FGF2: variants seen among roughly 807,000 people sequenced by gnomAD.
FGF2 encodes the protein fibroblast growth factor 2, also known as basic fibroblast growth factor bFGF.
FGF2 carries 13 observed loss-of-function variants against 15.9 expected under a neutral mutation model. That is an observed-to-expected ratio of 0.82 (90% CI 0.53 to 1.30). The LOEUF (loss-of-function observed/expected upper bound fraction) is 1.30, where lower values mean the gene tolerates loss of function less well. Among genes scored for constraint, FGF2 ranks in the 50% most tolerant of loss-of-function variants. The probability of loss-of-function intolerance (pLI) is 0.00; values close to 1 mark genes in which losing one functional copy is unlikely to be tolerated. For missense variants in FGF2, 163 were observed against 196.9 expected (o/e 0.83, Z 1.03); for synonymous variants, 90 against 78.4 (o/e 1.15, Z -0.78).
intron 1 of FGF2, among the ~76,000 whole-genome samples, chr4:122,866,825 C>T (rs1290264683): frequency 1.3e-5 from 2 of 152,190 alleles, no homozygotes; most frequent in Non-Finnish European, 2.9e-5. Flanking sequence ...TAATTTGACT[C>T]CTAGGTATAT....
Position 122,826,846 on chromosome 4 carries a change from G to T in FGF2, c.-329G>T. The T allele has an allele frequency of 6.7e-7, 1 of 1,493,958 alleles. No individual in the cohort carries two copies. Among genetic ancestry groups the T allele is most frequent in the Non-Finnish European group, 8.9e-7 (1 of 1,118,502 alleles). The allele number at this position is 1,493,958 out of a possible 1,614,324, so 92.5% of individuals were successfully genotyped here. A position where few individuals can be genotyped will look rare whatever the true frequency, so the allele number is the denominator to read the frequency against. ...CCCGGCGGGTGCCAGATTAGCGGAC[G>T]CGGTGCCCGCGGTTGCAACGGGATC... is the stretch of plus-strand genomic sequence containing the variant. On this transcript the variant is annotated 5_prime_UTR_variant, in exon 1 of 3. Coordinates refer to ENST00000644866, the MANE Select transcript of FGF2 (RefSeq NM_001361665.2).
At chr4:122,851,785 C>T (rs1442403292) in intron 1 of FGF2, among the ~76,000 whole-genome samples, 3 of 152,192 alleles carry the variant, frequency 2.0e-5, no homozygotes, top group Admixed American at 6.5e-5. Context: ...CTGGTGAGCT[C>T]ATTCTCACAG....
intron 2 of FGF2, among the ~76,000 whole-genome samples, chr4:122,879,230 C>A (rs907991510): frequency 9.9e-5 from 15 of 152,194 alleles, no homozygotes; most frequent in African/African-American, 3.6e-4. Flanking sequence ...ACCAAAGTAG[C>A]ATTTTAAATA....
chr4:122,842,053 G>A (rs1394974908), intron 1 of FGF2, among the ~76,000 whole-genome samples: 1 of 152,198 alleles, frequency 6.6e-6, no homozygotes, highest in East Asian at 1.9e-4. Flanking sequence ...CTCCAGAAGT[G>A]GATGAATGTT....
intron 1 of FGF2, among the ~76,000 whole-genome samples, chr4:122,856,672 G>A (rs766196968): frequency 7.9e-5 from 12 of 152,146 alleles, no homozygotes; most frequent in Non-Finnish European, 1.5e-4. Context: ...ACATGCAGTT[G>A]TAAAAAGATA....
At chr4:122,886,990 A>G (rs1282339650) in intron 2 of FGF2, among the ~76,000 whole-genome samples, 1 of 152,178 alleles carries the variant, frequency 6.6e-6, no homozygotes, top group African/African-American at 2.4e-5. Flanking sequence ...ACATGTATTT[A>G]TAAATATTTC....
intron 1 of FGF2, among the ~76,000 whole-genome samples, chr4:122,873,625 A>T (rs1439482351): frequency 6.6e-6 from 1 of 152,154 alleles, no homozygotes; most frequent in African/African-American, 2.4e-5. Context: ...GGTCATCTGT[A>T]TATCGAATTT....
At chr4:122,886,476 G>A (rs1210282962) in intron 2 of FGF2, among the ~76,000 whole-genome samples, 5 of 152,128 alleles carry the variant, frequency 3.3e-5, no homozygotes, top group East Asian at 3.8e-4. Context: ...TGATGGTTAT[G>A]CTCCACCTCC....
rs1171762386 is a variant in FGF2 at position 122,826,926 on chromosome 4, C to G, written c.-249C>G. 1 of 1,489,678 alleles carries G rather than the reference C, an allele frequency of 6.7e-7. No homozygotes were observed. The highest frequency in any genetic ancestry group is 8.9e-7 in the Non-Finnish European group (1 of 1,121,004). The allele number at this position is 1,489,678 out of a possible 1,614,324, so 92.3% of individuals were successfully genotyped here. Reference sequence around the variant, plus strand: ...CCCCAGGCGGCGTCCGCGGAGACACCCATCCGTGAACCCCAGGTCCCGGGC... The same window carrying G: ...CCCCAGGCGGCGTCCGCGGAGACACGCATCCGTGAACCCCAGGTCCCGGGC... On this transcript the variant is annotated 5_prime_UTR_variant, in exon 1 of 3. Coordinates refer to ENST00000644866, the MANE Select transcript of FGF2 (RefSeq NM_001361665.2).
chr4:122,849,989 C>T (rs960227112), intron 1 of FGF2, among the ~76,000 whole-genome samples: 7 of 152,134 alleles, frequency 4.6e-5, no homozygotes, highest in Non-Finnish European at 7.4e-5. Flanking sequence ...TGGCTGGGCG[C>T]GGTGGCTCAC....
intron 1 of FGF2, among the ~76,000 whole-genome samples, chr4:122,831,133 C>G (rs1205147783): frequency 1.3e-5 from 2 of 152,206 alleles, no homozygotes; most frequent in Non-Finnish European, 2.9e-5. Context: ...GATACTGAAG[C>G]TCAGAAAAGT....
At chr4:122,875,223 AT>A (rs1442476854) in intron 1 of FGF2, among the ~76,000 whole-genome samples, 4 of 152,106 alleles carry the variant, frequency 2.6e-5, no homozygotes, top group African/African-American at 9.7e-5. Context: ...TTATTTGTCC[AT>A]ATTACATTAT....
At chr4:122,871,055 C>G (rs1726720517) in intron 1 of FGF2, among the ~76,000 whole-genome samples, 1 of 152,120 alleles carries the variant, frequency 6.6e-6, no homozygotes, top group Admixed American at 6.6e-5. Flanking sequence ...ATAACTTCTT[C>G]ATTTCTGCCG....
chr4:122,845,983 T>C (rs1726102307), intron 1 of FGF2, among the ~76,000 whole-genome samples: 1 of 152,228 alleles, frequency 6.6e-6, no homozygotes, highest in African/African-American at 2.4e-5. Flanking sequence ...TAATCATTTC[T>C]AGATTTTGAT....
At chr4:122,850,706 G>C (rs1198014974) in intron 1 of FGF2, among the ~76,000 whole-genome samples, 2 of 152,146 alleles carry the variant, frequency 1.3e-5, no homozygotes, top group Non-Finnish European at 2.9e-5. Context: ...CAAGTAGCTA[G>C]TTGTATGGGA....
chr4:122,892,093 C>T (rs748890306), intron 2 of FGF2, 118 bp from the exon 3 acceptor site: 1 of 913,202 alleles, frequency 1.1e-6, no homozygotes, highest in Non-Finnish European at 1.7e-6. Flanking sequence ...CCTGCTGAAC[C>T]CAACATCACT....
chr4:122,840,386 A>G (rs949108519), intron 1 of FGF2: 1 of 152,390 alleles, frequency 6.6e-6, no homozygotes, highest in Non-Finnish European at 1.5e-5. Flanking sequence ...AAAAAAGGCC[A>G]TAGCCACGTA....
At chr4:122,870,460 G>C (rs1480631335) in intron 1 of FGF2, among the ~76,000 whole-genome samples, 1 of 152,064 alleles carries the variant, frequency 6.6e-6, no homozygotes, top group Non-Finnish European at 1.5e-5. Flanking sequence ...TCTGGTCCTG[G>C]GCTTTTTTTG....
chr4:122,886,075 T>C (rs1185692350), intron 2 of FGF2, among the ~76,000 whole-genome samples: 1 of 151,708 alleles, frequency 6.6e-6, no homozygotes, highest in Non-Finnish European at 1.5e-5. Flanking sequence ...CATGCCACCA[T>C]ACTCTACTAA....
Sources: allele counts gnomAD v4.1 joint callset (sites outside exome capture counted in the v4.1 genomes callset), GRCh38; gene constraint gnomAD v4.1.1; transcripts MANE v1.5; gene names NCBI Gene and HGNC (gene_info 2026-07-23, HGNC 2026-07-21).